C17orf78: variants seen among roughly 807,000 people sequenced by gnomAD.
The protein encoded by C17orf78 is chromosome 17 open reading frame 78.
Under a neutral mutation model 31.8 loss-of-function variants are expected in C17orf78, and 27 were observed. The ratio of observed to expected loss-of-function variants is 0.85; its 90% CI spans 0.63 to 1.17. The LOEUF is 1.17. C17orf78 is among the 50% of genes most tolerant of loss of function. The pLI is 0.00. For synonymous variants in C17orf78, 106 were observed against 115.1 expected, an observed-to-expected ratio of 0.92 and a Z score of 0.51; for missense variants, 258 against 315.2, an observed-to-expected ratio of 0.82 and a Z score of 1.37.
chr17:37,391,367 T>C (rs1298949870), intron 6 of C17orf78, among the ~76,000 whole-genome samples: 3 of 152,248 alleles, frequency 2.0e-5, no homozygotes, highest in African/African-American at 7.2e-5. Context: ...GAAGAGGTTA[T>C]GTGACTTCCC....
At chr17:37,379,077 A>C (rs2050130598) in intron 2 of C17orf78, 60 bp from the exon 3 acceptor site, 1 of 1,538,534 alleles carries the variant, frequency 6.5e-7, no homozygotes, top group Admixed American at 2.1e-5. Flanking sequence ...GTCTCAAAAA[A>C]ACCAACCAAA....
chr17:37,389,738 G>A (rs2050709883), intron 6 of C17orf78, among the ~76,000 whole-genome samples: 2 of 151,724 alleles, frequency 1.3e-5, no homozygotes, highest in African/African-American at 4.8e-5. Flanking sequence ...TAATATATAA[G>A]TGCTAGGAGA....
intron 1 of C17orf78, among the ~76,000 whole-genome samples, 153 bp from the exon 2 acceptor site, chr17:37,377,726 T>G (rs1179588310): frequency 6.6e-6 from 1 of 151,458 alleles, no homozygotes; most frequent in Non-Finnish European, 1.5e-5. Context: ...TTTTAGAGAG[T>G]GTTTGATCTC....
intron 4 of C17orf78, among the ~76,000 whole-genome samples, chr17:37,386,453 G>A (rs922780557): frequency 2.0e-5 from 3 of 152,078 alleles, no homozygotes; most frequent in South Asian, 2.1e-4. Context: ...TTAGCCGGAC[G>A]TGGTGGCAGG....
At position 37,377,940 on chromosome 17, in the gene C17orf78, A is replaced by G; in HGVS notation, c.120A>G (p.Arg40=). The change falls in exon 2 of 7, where the codon AGA becomes AGG. Residue 40 remains arginine (R), a synonymous_variant. Transcript: ENST00000615133. ...QLPGIFPKDV[R]SIRELQMQET... ...CTGGGATCTTCCCAAAAGACGTGAG[A>G]AGCATCAGAGAATTGCAAATGCAAG... The G allele has an allele frequency of 6.2e-7, 1 of 1,613,766 alleles. No individual in the cohort carries two copies. Among genetic ancestry groups the G allele is most frequent in the Non-Finnish European group, 8.5e-7 (1 of 1,179,828 alleles).
intron 6 of C17orf78, among the ~76,000 whole-genome samples, chr17:37,390,085 A>G (rs2050726232): frequency 7.7e-6 from 1 of 130,544 alleles, no homozygotes; most frequent in Non-Finnish European, 1.6e-5. Context: ...AGAGTCCAGG[A>G]GTTTGAGACC....
Position 37,379,984 on chromosome 17 carries a change from A to G in C17orf78, c.391+602A>G, listed in dbSNP as rs2050176037. On this transcript the variant is annotated intron_variant, in intron 3 of 6. Transcript: ENST00000615133. The stretch of plus-strand genomic sequence containing the variant: ...TAAAGACACATGCACACGTATGTTT[A>G]CTGCGGCACTATTCACAATAGCAAA... 7.3e-5 allele frequency among the ~76,000 whole-genome samples: 11 copies of G among 150,862 alleles called. No individual in the cohort carries two copies. In the South Asian group the frequency reaches 2.3e-3, roughly 32 times the overall value.
At chr17:37,386,448 C>T (rs188796169) in intron 4 of C17orf78, among the ~76,000 whole-genome samples, 151 of 152,088 alleles carry the variant, frequency 9.9e-4, no homozygotes, top group Non-Finnish European at 1.8e-3. Flanking sequence ...AAAAATTAGC[C>T]GGACGTGGTG....
rs545073498 is a variant in C17orf78 at position 37,379,365 on chromosome 17, C to A, written c.374C>A (p.Ser125Tyr). 2 of 1,613,910 alleles carry A rather than the reference C, an allele frequency of 1.2e-6. No individual in the cohort carries two copies. Among genetic ancestry groups the A allele is most frequent in the Admixed American group, 1.7e-5 (1 of 60,004 alleles). The change falls in exon 3 of 7, where the codon TCT becomes TAT. Residue 125 changes from serine (S) to tyrosine (Y), a missense_variant. Physicochemically the swap from Ser to Tyr is moderately radical, Grantham distance 144. Coordinates refer to ENST00000615133, the MANE Select transcript of C17orf78 (RefSeq NM_173625.5). ...LIPTSKFQTG[S>Y]LLKGKAFLPG... ...CCCACATCCAAGTTTCAGACTGGAT[C>A]TCTTCTAAAAGGCAAAGGTGAGATT...
chr17:37,382,782 C>T (rs1338625926), intron 3 of C17orf78, among the ~76,000 whole-genome samples: 1 of 152,172 alleles, frequency 6.6e-6, no homozygotes, highest in Non-Finnish European at 1.5e-5. Flanking sequence ...ATAGCTTGAA[C>T]CCAGGATGCA....
chr17:37,390,275 T>TA (rs1400576678), intron 6 of C17orf78, among the ~76,000 whole-genome samples: 75 of 68,564 alleles, frequency 1.1e-3, no homozygotes, highest in African/African-American at 4.8e-3. Flanking sequence ...ATATATAATA[T>TA]ATTATATATA....
rs187200098 is a variant in C17orf78 at position 37,381,796 on chromosome 17, T to G, written c.391+2414T>G. Among the ~76,000 whole-genome samples the G allele has an allele frequency of 1.7e-3, 259 of 151,740 alleles. 3 individuals are homozygous for G. The highest frequency in any genetic ancestry group is 6.0e-3 in the African/African-American group (248 of 41,252). On this transcript the variant is annotated intron_variant, in intron 3 of 6. Transcript: ENST00000615133. The stretch of plus-strand genomic sequence containing the variant: ...GCACTCGCCACCACACCCAGTTAAT[T>G]TTTTGTATTTTTGGTAGAGATGGGG...
chr17:37,379,559 C>T (rs1190145665), intron 3 of C17orf78, among the ~76,000 whole-genome samples, 177 bp downstream of exon 3: 4 of 152,082 alleles, frequency 2.6e-5, no homozygotes, highest in Non-Finnish European at 5.9e-5. Context: ...TGGATATTAG[C>T]CCTTTGTCAG....
intron 6 of C17orf78, among the ~76,000 whole-genome samples, chr17:37,390,252 AT>A (rs1568095307): frequency 1.6e-3 from 51 of 31,762 alleles, no homozygotes; most frequent in African/African-American, 0.012. Flanking sequence ...TTATATATAT[AT>A]TATATATAAT....
At chr17:37,385,229 T>C (rs751584039) in intron 3 of C17orf78, among the ~76,000 whole-genome samples, 3 of 152,124 alleles carry the variant, frequency 2.0e-5, no homozygotes, top group Admixed American at 6.6e-5. Flanking sequence ...CCCAGCACTT[T>C]GGGAGGCCGA....
chr17:37,383,003 T>A (rs995242967), intron 3 of C17orf78, among the ~76,000 whole-genome samples: 2 of 152,126 alleles, frequency 1.3e-5, no homozygotes, highest in African/African-American at 4.8e-5. Context: ...CACCACTGCA[T>A]TCCAGTCTGG....
rs980048080 is a variant in C17orf78 at position 37,381,719 on chromosome 17, T to C, written c.391+2337T>C. ...CTCAGCTCACTGCAAGCTCCGCCTC[T>C]CGGGTTCACGCCATTCTCCTGCCTC... is the stretch of plus-strand genomic sequence containing the variant. On this transcript the variant is annotated intron_variant, in intron 3 of 6. Coordinates refer to ENST00000615133, the MANE Select transcript of C17orf78 (RefSeq NM_173625.5). Among the ~76,000 whole-genome samples the C allele has an allele frequency of 1.1e-4, 16 of 147,544 alleles. 1 individual carries two copies. The highest frequency in any genetic ancestry group is 6.3e-4 in the East Asian group (3 of 4,746).
At chr17:37,389,460 G>C in intron 6 of C17orf78, 98 bp downstream of exon 6, 1 of 1,458,616 alleles carries the variant, frequency 6.9e-7, no homozygotes. Flanking sequence ...ACTTTGAGAG[G>C]CTGAGGCAGG....
chr17:37,391,645 A>AG lies in C17orf78; in HGVS notation c.751dup. The AG allele has an allele frequency of 6.2e-7, 1 of 1,613,192 alleles. No individual in the cohort carries two copies. Among genetic ancestry groups the AG allele is most frequent in the Non-Finnish European group, 8.5e-7 (1 of 1,179,220 alleles). On this transcript the variant is annotated splice_acceptor_variant, in intron 6 of 6. Transcript: ENST00000615133. LOFTEE classifies it high-confidence loss of function. ...ACTTTCATATTTCCTTTCAATCTCT[A>AG]GGTTGGACAAGATGCTGCCAATTCA...
Sources: gnomAD v4.1 joint callset for allele counts (sites outside exome capture counted in the v4.1 genomes callset) on GRCh38, gnomAD v4.1.1 for gene constraint, MANE v1.5 for transcripts, NCBI Gene and HGNC (gene_info 2026-07-23, HGNC 2026-07-21) for gene names.